IPPK: variants seen among roughly 807,000 people sequenced by gnomAD.
IPPK encodes the protein inositol-pentakisphosphate 2-kinase, also known as IPK1 homolog.
A neutral mutation model predicts 64.6 loss-of-function variants in IPPK; 22 were observed. The ratio of observed to expected loss-of-function variants is 0.34; its 90% CI spans 0.24 to 0.49. The LOEUF (loss-of-function observed/expected upper bound fraction) is 0.49. IPPK is among the 20% of genes least tolerant of loss of function. The probability of loss-of-function intolerance (pLI) is 0.99; values close to 1 mark genes in which losing one functional copy is unlikely to be tolerated. For missense variants in IPPK, 532 were observed against 630.7 expected, an observed-to-expected ratio of 0.84 and a Z score of 1.68; for synonymous variants, 262 against 247.2, an observed-to-expected ratio of 1.06 and a Z score of -0.56.
chr9:92,641,015 G>A (rs1852035978), intron 7 of IPPK, among the ~76,000 whole-genome samples: 1 of 152,188 alleles, frequency 6.6e-6, no homozygotes. Flanking sequence ...ACTCACCAGA[G>A]ATGTGGGGGT....
intron 9 of IPPK, among the ~76,000 whole-genome samples, chr9:92,637,222 C>T: frequency 6.6e-6 from 1 of 152,192 alleles, no homozygotes; most frequent in Admixed American, 6.5e-5. Context: ...AGGAAAATCA[C>T]CTGAACCTAG....
intron 9 of IPPK, among the ~76,000 whole-genome samples, chr9:92,637,095 C>A (rs936128941): frequency 6.6e-6 from 1 of 152,020 alleles, no homozygotes; most frequent in Non-Finnish European, 1.5e-5. Flanking sequence ...CCAAGGCAGG[C>A]GGATCACTTG....
intron 3 of IPPK, among the ~76,000 whole-genome samples, chr9:92,653,477 A>G (rs891779062): frequency 1.3e-5 from 2 of 152,210 alleles, no homozygotes; most frequent in Non-Finnish European, 2.9e-5. Flanking sequence ...AAATTAACAA[A>G]ATATGACTTA....
chr9:92,641,260 C>T (rs185223328), intron 7 of IPPK, among the ~76,000 whole-genome samples: 191 of 152,318 alleles, frequency 1.3e-3, no homozygotes, highest in Non-Finnish European at 2.0e-3. Context: ...CCTCGTCCTC[C>T]AAGCGACGAG....
intron 11 of IPPK, among the ~76,000 whole-genome samples, chr9:92,623,433 CAAAAAAAAAAA>C (rs538116710): frequency 1.4e-5 from 1 of 71,858 alleles, no homozygotes; most frequent in Non-Finnish European, 2.8e-5. Flanking sequence ...GACTCCGTCT[CAAAAAAAAAAA>C]AAAAAGTCAA....
At chr9:92,625,336 C>T (rs1030274352) in intron 11 of IPPK, among the ~76,000 whole-genome samples, 4 of 152,124 alleles carry the variant, frequency 2.6e-5, no homozygotes, top group South Asian at 2.1e-4. Flanking sequence ...GACAATGTGA[C>T]AGGATCTATC....
At chr9:92,642,850 C>T (rs1478694523) in intron 6 of IPPK, 40 bp from the exon 7 acceptor site, 2 of 1,491,746 alleles carry the variant, frequency 1.3e-6, no homozygotes, top group South Asian at 2.3e-5. Context: ...GTGACTGGCG[C>T]TGGTGACTGC....
At chr9:92,619,199 C>G in intron 12 of IPPK, 1 of 371,626 alleles carries the variant, frequency 2.7e-6, no homozygotes, top group South Asian at 3.5e-5. Context: ...AGCTCACTGT[C>G]CACATTGTTT....
intron 8 of IPPK, 39 bp from the exon 9 acceptor site, chr9:92,638,319 C>A (rs561230228): frequency 1.9e-6 from 3 of 1,589,946 alleles, no homozygotes; most frequent in Non-Finnish European, 2.6e-6. Flanking sequence ...CGTCAAACCA[C>A]CAAGCTTGTA....
intron 4 of IPPK, among the ~76,000 whole-genome samples, chr9:92,651,046 C>G (rs1341788083): frequency 6.6e-6 from 1 of 152,066 alleles, no homozygotes; most frequent in African/African-American, 2.4e-5. Flanking sequence ...CAGACAGCAC[C>G]CTGGAGCCGG....
At chr9:92,665,966 C>T (rs1471675021) in intron 1 of IPPK, among the ~76,000 whole-genome samples, 1 of 152,088 alleles carries the variant, frequency 6.6e-6, no homozygotes, top group African/African-American at 2.4e-5. Flanking sequence ...CAAAGGGACA[C>T]CAAAACTCCC....
rs373373935 is a variant in IPPK, at chr9:92,653,026, A to G, written c.226-387T>C. On this transcript the variant is annotated intron_variant, in intron 3 of 12. Coordinates refer to ENST00000287996, the MANE Select transcript of IPPK (RefSeq NM_022755.6). Reference sequence around the variant, plus strand: ...GAGCAGTTCTTAGACCACATGGAAGACCCTTACTGACCACTCAGACAACCT... The same window carrying G: ...GAGCAGTTCTTAGACCACATGGAAGGCCCTTACTGACCACTCAGACAACCT... Among the ~76,000 whole-genome samples the G allele has an allele frequency of 9.2e-5, 14 of 152,198 alleles. No individual in the cohort carries two copies. The East Asian group carries it at 9.7e-4, about 10-fold the overall frequency.
At chr9:92,631,384 C>CA (rs1851843063) in intron 11 of IPPK, among the ~76,000 whole-genome samples, 2 of 152,032 alleles carry the variant, frequency 1.3e-5, no homozygotes, top group Non-Finnish European at 2.9e-5. Flanking sequence ...TTAGTAGAGA[C>CA]AGAGTTTTGC....
intron 2 of IPPK, 82 bp downstream of exon 2, chr9:92,658,552 T>A: frequency 8.8e-7 from 1 of 1,132,446 alleles, no homozygotes; most frequent in Non-Finnish European, 1.3e-6. Flanking sequence ...ACAACTAGCA[T>A]CAATGTTTCT....
intron 11 of IPPK, among the ~76,000 whole-genome samples, chr9:92,629,039 G>A (rs979426645): frequency 2.6e-5 from 4 of 152,136 alleles, no homozygotes; most frequent in Admixed American, 6.5e-5. Context: ...AGTGAGCTAC[G>A]AACACACCAC....
intron 11 of IPPK, among the ~76,000 whole-genome samples, chr9:92,626,167 G>A (rs1587621452): frequency 2.0e-5 from 3 of 152,276 alleles, no homozygotes; most frequent in Non-Finnish European, 4.4e-5. Context: ...GGAGGCTGAG[G>A]TGGGCGGATC....
chr9:92,665,612 G>A (rs1852579030), intron 1 of IPPK, among the ~76,000 whole-genome samples: 4 of 152,044 alleles, frequency 2.6e-5, no homozygotes, highest in Admixed American at 6.6e-5. Flanking sequence ...AAAGTGATTC[G>A]TGATACTATC....
At chr9:92,647,596 G>A (rs1263027515) in intron 6 of IPPK, among the ~76,000 whole-genome samples, 1 of 152,054 alleles carries the variant, frequency 6.6e-6, no homozygotes, top group Non-Finnish European at 1.5e-5. Flanking sequence ...GGTCCAACAT[G>A]CGAAAATCAT....
At chr9:92,627,389 C>A (rs1322306663) in intron 11 of IPPK, among the ~76,000 whole-genome samples, 1 of 152,098 alleles carries the variant, frequency 6.6e-6, no homozygotes, top group East Asian at 1.9e-4. Context: ...ATCCCAAAAA[C>A]AAAGACATCA....
Sources: gnomAD v4.1 joint callset for allele counts (sites outside exome capture counted in the v4.1 genomes callset) on GRCh38, gnomAD v4.1.1 for gene constraint, MANE v1.5 for transcripts, NCBI Gene and HGNC (gene_info 2026-07-23, HGNC 2026-07-21) for gene names.